The following TBC1D1 variants were observed in gnomAD, a reference collection of about 807,000 sequenced individuals.
TBC1D1 encodes TBC1 domain family member 1.
TBC1D1 carries 89 observed loss-of-function variants against 125.6 expected under a neutral mutation model. That is an observed-to-expected ratio of 0.71 (90% confidence interval 0.60 to 0.85). The LOEUF is 0.85. Among genes scored for constraint, TBC1D1 ranks in the 40% least tolerant of loss-of-function variants. The pLI is 0.00. For missense variants in TBC1D1, 1,377 were observed against 1,469.2 expected (o/e 0.94, Z 1.03); for synonymous variants, 565 against 564.1 (o/e 1.00, Z -0.02).
At chr4:38,019,963 C>T (rs986168891) in intron 4 of TBC1D1, among the ~76,000 whole-genome samples, 2 of 152,074 alleles carry the variant, frequency 1.3e-5, no homozygotes, top group African/African-American at 4.8e-5. Context: ...CTCTGGTCTG[C>T]CTTTGATTTT....
At chr4:37,894,610 T>G (rs59938895) in intron 1 of TBC1D1, among the ~76,000 whole-genome samples, 1 of 152,144 alleles carries the variant, frequency 6.6e-6, no homozygotes, top group African/African-American at 2.4e-5. Flanking sequence ...AGGTAAGCCC[T>G]ATAGGTTTGT....
intron 1 of TBC1D1, among the ~76,000 whole-genome samples, chr4:37,901,084 A>G (rs1297586485): frequency 4.8e-5 from 7 of 146,566 alleles, no homozygotes; most frequent in Admixed American, 1.4e-4. Context: ...AAAAAAAAAA[A>G]GGAAGAAAGA....
intron 12 of TBC1D1, among the ~76,000 whole-genome samples, chr4:38,083,022 T>C (rs1160741594): frequency 1.3e-5 from 2 of 152,186 alleles, no homozygotes; most frequent in Admixed American, 6.5e-5. Flanking sequence ...ACCTCTTTCC[T>C]CATCACACCC....
rs777130926 is a variant in TBC1D1 at position 38,014,820 on chromosome 4, G to A, written c.729G>A (p.Ser243=). 2 of 1,608,372 alleles carry A rather than the reference G, an allele frequency of 1.2e-6. No individual in the cohort carries two copies. The highest frequency in any genetic ancestry group is 1.7e-6 in the Non-Finnish European group (2 of 1,176,794). Residue 243 remains serine, a synonymous_variant, in exon 3 of 20, where the codon TCG becomes TCA. Coordinates refer to ENST00000261439, the MANE Select transcript of TBC1D1 (RefSeq NM_015173.4). This position sits in a 1 kb window ranked among gnomAD's most constrained non-coding sequence, Gnocchi z 5.1. ...CCTTCTCCCAGCCCGGCCTGCGCTC[G>A]CTGGCCTTTAGGAAGGAGCTGCAGG... is the stretch of plus-strand genomic sequence containing the variant.
At chr4:38,110,360 C>T (rs894928287) in intron 15 of TBC1D1, 2 of 984,934 alleles carry the variant, frequency 2.0e-6, no homozygotes, top group Non-Finnish European at 2.4e-6. Flanking sequence ...GCAGGTTTAA[C>T]AAGCCCCCAG....
rs564410504 is a variant in TBC1D1, at chr4:38,028,325, C to T, written c.1302+446C>T. 2.4e-4 allele frequency among the ~76,000 whole-genome samples: 36 copies of T among 152,298 alleles called. 1 individual carries two copies. The East Asian group carries it at 6.9e-3, about 29-fold the overall frequency. ...GGATTACAGGAGCACGCCACCACGC[C>T]TGGCTAATTTTTGTATTTTTAGTAG... On this transcript the variant is annotated intron_variant, in intron 7 of 19. Coordinates refer to ENST00000261439, the MANE Select transcript of TBC1D1 (RefSeq NM_015173.4).
chr4:38,052,602 T>C (rs945940357), intron 11 of TBC1D1, among the ~76,000 whole-genome samples: 1 of 152,184 alleles, frequency 6.6e-6, no homozygotes, highest in African/African-American at 2.4e-5. Flanking sequence ...CCCAAAGTGC[T>C]GGGATTACAG....
At position 38,115,712 on chromosome 4, in the gene TBC1D1, C is replaced by A. The variant is rs776447276; in HGVS notation, c.2560C>A (p.Arg854=). ...ACTAATATGTATTCTTTTCACAGGG[C>A]GAACCTTTCCTACACACCCATACTT... is the stretch of plus-strand genomic sequence containing the variant. Residue 854 remains arginine (R), a splice_region_variant and synonymous_variant, in exon 16 of 20, where the codon CGA becomes AGA. Transcript: ENST00000261439. 1.9e-6 allele frequency: 3 copies of A among 1,613,028 alleles called. No homozygotes were observed. Among genetic ancestry groups the A allele is most frequent in the Non-Finnish European group, 2.5e-6 (3 of 1,179,372 alleles).
At position 38,125,142 on chromosome 4, in the gene TBC1D1, G is replaced by T. The variant is rs1257641699; in HGVS notation, c.3132+11G>T. 1.2e-6 allele frequency: 2 copies of T among 1,612,396 alleles called. No individual in the cohort carries two copies. Among genetic ancestry groups the T allele is most frequent in the East Asian group, 2.2e-5 (1 of 44,866 alleles). ...AAGACCATCAATCAGGTATGAGTCA[G>T]TCCAAACCTTGCAAATGCTTAAGCC... On this transcript the variant is annotated intron_variant, in intron 18 of 19. Coordinates refer to ENST00000261439, the MANE Select transcript of TBC1D1 (RefSeq NM_015173.4).
At chr4:37,950,910 C>T (rs575187291) in intron 2 of TBC1D1, among the ~76,000 whole-genome samples, 4 of 152,146 alleles carry the variant, frequency 2.6e-5, no homozygotes, top group African/African-American at 9.6e-5. Context: ...AGGCACTTGC[C>T]GCCATGCCCA....
intron 2 of TBC1D1, among the ~76,000 whole-genome samples, chr4:38,004,654 C>T (rs1348399474): frequency 6.6e-6 from 1 of 152,112 alleles, no homozygotes; most frequent in Admixed American, 6.5e-5. Flanking sequence ...TTGCAGAACA[C>T]TATGATCCCA....
intron 2 of TBC1D1, among the ~76,000 whole-genome samples, chr4:38,008,314 G>A (rs775318568): frequency 3.9e-5 from 6 of 152,068 alleles, no homozygotes; most frequent in African/African-American, 7.2e-5. Context: ...ACAGCCATTC[G>A]ATTACTTCTT....
intron 7 of TBC1D1, among the ~76,000 whole-genome samples, chr4:38,028,151 A>C (rs1745433568): frequency 6.6e-6 from 1 of 152,088 alleles, no homozygotes; most frequent in South Asian, 2.1e-4. Flanking sequence ...GCAAAAAAAA[A>C]AATCTCATAA....
intron 11 of TBC1D1, 88 bp downstream of exon 12, chr4:38,052,148 C>G (rs1750679586): frequency 1.5e-6 from 2 of 1,356,564 alleles, no homozygotes; most frequent in African/African-American, 3.0e-5. Flanking sequence ...GGGGAATGTC[C>G]ATGCAGGAAG....
At chr4:38,122,347 T>TG (rs1763987639) in intron 17 of TBC1D1, among the ~76,000 whole-genome samples, 2 of 152,246 alleles carry the variant, frequency 1.3e-5, no homozygotes. Context: ...ATTGCTTGGC[T>TG]GGGGCAGAGG....
At chr4:37,994,772 T>G (rs1019514273) in intron 2 of TBC1D1, among the ~76,000 whole-genome samples, 3 of 152,234 alleles carry the variant, frequency 2.0e-5, no homozygotes, top group African/African-American at 7.2e-5. Context: ...AGTGTGAGGA[T>G]GACATTTCTC....
intron 16 of TBC1D1, among the ~76,000 whole-genome samples, chr4:38,117,306 C>T (rs1296635806): frequency 6.6e-6 from 1 of 151,964 alleles, no homozygotes; most frequent in Non-Finnish European, 1.5e-5. Context: ...AGGCTCAGGC[C>T]GTGGCACTGC....
chr4:38,049,032 T>G (rs780383107), intron 10 of TBC1D1, among the ~76,000 whole-genome samples: 5 of 152,246 alleles, frequency 3.3e-5, no homozygotes, highest in Non-Finnish European at 7.3e-5. Flanking sequence ...ATTTTTACTT[T>G]ACCCTCTTAC....
chr4:37,924,488 T>G (rs1670705732), intron 2 of TBC1D1, among the ~76,000 whole-genome samples: 1 of 152,182 alleles, frequency 6.6e-6, no homozygotes, highest in Admixed American at 6.5e-5. Flanking sequence ...CAGAACTTTT[T>G]CATCATCCCA....
Sources: gnomAD v4.1 joint callset for allele counts (sites outside exome capture counted in the v4.1 genomes callset) on GRCh38, gnomAD v4.1.1 for gene constraint, Gnocchi (gnomAD v3.1) non-coding constraint, MANE v1.5 for transcripts, NCBI Gene and HGNC (gene_info 2026-07-23, HGNC 2026-07-21) for gene names.